The following FBXO42 variants were observed in gnomAD, a reference collection of about 807,000 sequenced individuals.
The protein encoded by FBXO42 is F-box only protein 42.
FBXO42 carries 12 observed loss-of-function variants against 71.7 expected under a neutral mutation model. The observed-to-expected ratio is 0.17, with a 90% CI of 0.11 to 0.27. The LOEUF (loss-of-function observed/expected upper bound fraction) is 0.27, where lower values mean the gene tolerates loss of function less well. Ranked by LOEUF, FBXO42 falls within the 10% of genes least tolerant of loss-of-function variation. The pLI is 1.00. For synonymous variants in FBXO42, 325 were observed against 327.5 expected (o/e 0.99, Z 0.08); for missense variants, 707 against 911.9 (o/e 0.78, Z 2.89).
chr1:16,298,757 G>T (rs2082158098), intron 3 of FBXO42, among the ~76,000 whole-genome samples: 1 of 152,002 alleles, frequency 6.6e-6, no homozygotes, highest in Admixed American at 6.6e-5. Context: ...TGATCCGCTC[G>T]CCTCGGCCTC....
At chr1:16,305,964 T>C (rs370289414) in intron 2 of FBXO42, 45 bp from the exon 3 acceptor site, 124 of 1,258,070 alleles carry the variant, frequency 9.9e-5, no homozygotes, top group Non-Finnish European at 1.4e-4. Flanking sequence ...ACTTAACTTA[T>C]CCATCAAATT....
chr1:16,255,592 C>T (rs147637117), intron 6 of FBXO42, 119 bp downstream of exon 6: 8,265 of 797,904 alleles, frequency 0.01, 51 homozygotes, highest in Non-Finnish European at 0.013. Context: ...ACCTTGGCCT[C>T]CCAAAATGCT....
intron 4 of FBXO42, chr1:16,292,464 GTT>G (rs1399840721): frequency 6.6e-6 from 1 of 151,994 alleles, no homozygotes; most frequent in Admixed American, 6.6e-5. Flanking sequence ...CTAATTTTTT[GTT>G]TTTATTTTTT....
intron 4 of FBXO42, among the ~76,000 whole-genome samples, chr1:16,283,039 G>A (rs535354398): frequency 6.6e-6 from 1 of 152,062 alleles, no homozygotes; most frequent in Non-Finnish European, 1.5e-5. Flanking sequence ...GATTAGGTGA[G>A]TCTGCTATGG....
intron 2 of FBXO42, among the ~76,000 whole-genome samples, chr1:16,309,855 T>A (rs751111013): frequency 6.6e-6 from 1 of 151,560 alleles, no homozygotes; most frequent in Non-Finnish European, 1.5e-5. Context: ...ACCAGCCTGG[T>A]CAACATGGTA....
In FBXO42 at chr1:16,251,813, C is replaced by G; in HGVS notation, c.1039-28G>C. ...GGAAGACAAAGGACCAGTGCTCACACTCTTCTATGATTCTGATTGTTCATT... is the reference window on the plus strand; with the variant it reads ...GGAAGACAAAGGACCAGTGCTCACAGTCTTCTATGATTCTGATTGTTCATT... On this transcript the variant is annotated intron_variant, in intron 9 of 9. Coordinates refer to ENST00000375592, the MANE Select transcript of FBXO42 (RefSeq NM_018994.3). The surrounding 1 kb of genome is among the most constrained non-coding windows in gnomAD (Gnocchi z 4.5). The G allele has an allele frequency of 1.3e-6, 2 of 1,590,232 alleles. No individual in the cohort carries two copies. Among genetic ancestry groups the G allele is most frequent in the Non-Finnish European group, 1.7e-6 (2 of 1,167,438 alleles).
intron 3 of FBXO42, among the ~76,000 whole-genome samples, chr1:16,300,866 C>T (rs1053191445): frequency 1.3e-5 from 2 of 149,368 alleles, no homozygotes; most frequent in African/African-American, 4.9e-5. Context: ...TAGCTATGCA[C>T]ACATTCACCA....
chr1:16,333,448 C>G (rs867923787), intron 1 of FBXO42, among the ~76,000 whole-genome samples: 12 of 113,280 alleles, frequency 1.1e-4, no homozygotes, highest in Admixed American at 7.8e-4. Context: ...CCCCCCCCCC[C>G]ATTTCCAAGA....
At chr1:16,271,243 G>T (rs578062356) in intron 4 of FBXO42, among the ~76,000 whole-genome samples, 1 of 143,238 alleles carries the variant, frequency 7.0e-6, no homozygotes, top group Admixed American at 7.5e-5. Context: ...TAACTACTGT[G>T]TGCGTGTGTG....
intron 1 of FBXO42, among the ~76,000 whole-genome samples, chr1:16,319,080 A>G (rs2082392808): frequency 6.6e-6 from 1 of 152,214 alleles, no homozygotes; most frequent in Non-Finnish European, 1.5e-5. Flanking sequence ...ACAAATTTCC[A>G]GCATTCCCTC....
intron 4 of FBXO42, among the ~76,000 whole-genome samples, chr1:16,266,716 C>G (rs1357677878): frequency 1.3e-5 from 2 of 152,164 alleles, no homozygotes; most frequent in Non-Finnish European, 2.9e-5. Flanking sequence ...TTGGAAAGCT[C>G]TGACTAAGCA....
intron 2 of FBXO42, among the ~76,000 whole-genome samples, chr1:16,313,364 GAAAGAA>G (rs1475992429): frequency 2.3e-5 from 3 of 132,536 alleles, no homozygotes; most frequent in Non-Finnish European, 3.5e-5. Flanking sequence ...AAGAAAGAAA[GAAAGAA>G]AGAGAAAAGA....
intron 4 of FBXO42, among the ~76,000 whole-genome samples, chr1:16,257,115 G>A (rs952026004): frequency 6.6e-6 from 1 of 152,120 alleles, no homozygotes; most frequent in Admixed American, 6.6e-5. Context: ...CATAGAAAGT[G>A]CTCAACAAAT....
intron 4 of FBXO42, among the ~76,000 whole-genome samples, chr1:16,262,246 C>A (rs2081723142): frequency 6.6e-6 from 1 of 152,172 alleles, no homozygotes; most frequent in Admixed American, 6.5e-5. Context: ...TGGTCTTTAA[C>A]TCCTGAGCTC....
chr1:16,307,205 T>G (rs2082260471), intron 2 of FBXO42, among the ~76,000 whole-genome samples: 1 of 152,090 alleles, frequency 6.6e-6, no homozygotes, highest in Non-Finnish European at 1.5e-5. Flanking sequence ...AAAAGTTTTC[T>G]AAAAGATGAG....
intron 2 of FBXO42, among the ~76,000 whole-genome samples, chr1:16,311,500 AAAAATATAT>A (rs1321004273): frequency 7.2e-4 from 49 of 67,590 alleles, no homozygotes; most frequent in African/African-American, 3.0e-3. Context: ...AAAAAAAAAA[AAAAATATAT>A]ATATATATAT....
intron 4 of FBXO42, among the ~76,000 whole-genome samples, chr1:16,285,131 C>T (rs2082008574): frequency 6.6e-6 from 1 of 151,848 alleles, no homozygotes; most frequent in Non-Finnish European, 1.5e-5. Context: ...CGCGACACTG[C>T]AAGACTCATC....
At chr1:16,300,177 A>T (rs1399448783) in intron 3 of FBXO42, among the ~76,000 whole-genome samples, 2 of 152,136 alleles carry the variant, frequency 1.3e-5, no homozygotes. Context: ...CATCTAGACC[A>T]CTAGAATGTG....
At position 16,352,296 on chromosome 1, in the gene FBXO42, C is replaced by A. The variant is rs1189508508; in HGVS notation, c.-59G>T. 5 of 396,936 alleles carry A rather than the reference C, an allele frequency of 1.3e-5. No individual in the cohort carries two copies. Among genetic ancestry groups the A allele is most frequent in the Non-Finnish European group, 2.2e-5 (5 of 225,128 alleles). The allele number at this position is 396,936 out of a possible 1,614,324, so 24.6% of individuals were successfully genotyped here. A position where few individuals can be genotyped will look rare whatever the true frequency, so the allele number is the denominator to read the frequency against. ...CACGCTCTCGGGTTCGCTCCGCTGG[C>A]GACGGTAATGAGGGAGCCAGGGACA... On this transcript the variant is annotated 5_prime_UTR_variant, in exon 1 of 10. Transcript: ENST00000375592.
Sources: gnomAD v4.1 joint callset for allele counts (sites outside exome capture counted in the v4.1 genomes callset) on GRCh38, gnomAD v4.1.1 for gene constraint, Gnocchi (gnomAD v3.1) non-coding constraint, MANE v1.5 for transcripts, NCBI Gene and HGNC (gene_info 2026-07-23, HGNC 2026-07-21) for gene names.